F2: variants seen among roughly 807,000 people sequenced by gnomAD.
The protein encoded by F2 is prothrombin.
F2 carries 34 observed loss-of-function variants against 81.9 expected under a neutral mutation model. That is an observed-to-expected ratio of 0.42 (90% confidence interval 0.32 to 0.55). The LOEUF is 0.55. Ranked by LOEUF, F2 falls within the 20% of genes least tolerant of loss-of-function variation. F2 has a pLI of 0.18. For synonymous variants in F2, 296 were observed against 326.4 expected (o/e 0.91, Z 1.01); for missense variants, 630 against 833.4 (o/e 0.76, Z 3.00).
chr11:46,720,663 C>T, intron 3 of F2, 116 bp downstream of exon 3: 3 of 1,500,126 alleles, frequency 2.0e-6, no homozygotes, highest in Non-Finnish European at 2.8e-6. Flanking sequence ...CCCTTCCCCA[C>T]TCCTTCCTTG....
intron 6 of F2, among the ~76,000 whole-genome samples, chr11:46,724,303 C>T (rs2064857947): frequency 6.6e-6 from 1 of 152,166 alleles, no homozygotes; most frequent in Non-Finnish European, 1.5e-5. Context: ...TGGCTGCACT[C>T]GCTAATGCGT....
In F2 at chr11:46,727,318, G is replaced by C. The variant is rs574258388; in HGVS notation, c.1130+481G>C. On this transcript the variant is annotated intron_variant, in intron 9 of 13. Coordinates refer to ENST00000311907, the MANE Select transcript of F2 (RefSeq NM_000506.5). ...ATTACAGGCATGAGCCACCACACCCGGCCCATGGGTCCTTTACTTCTAAGC... is the reference window on the plus strand; with the variant it reads ...ATTACAGGCATGAGCCACCACACCCCGCCCATGGGTCCTTTACTTCTAAGC... 2.6e-5 allele frequency among the ~76,000 whole-genome samples: 4 copies of C among 151,048 alleles called. No homozygotes were observed. The Admixed American group carries it at 2.7e-4, about 10-fold the overall frequency.
intron 6 of F2, among the ~76,000 whole-genome samples, chr11:46,724,451 A>T (rs2064858739): frequency 6.6e-6 from 1 of 152,184 alleles, no homozygotes; most frequent in Non-Finnish European, 1.5e-5. Context: ...TGAGGCTGAA[A>T]GAAGGTACCT....
intron 4 of F2, among the ~76,000 whole-genome samples, chr11:46,722,731 G>A (rs1321791192): frequency 6.6e-6 from 1 of 152,248 alleles, no homozygotes; most frequent in African/African-American, 2.4e-5. Flanking sequence ...AGTTCTGCCT[G>A]GCCTGGTGGG....
chr11:46,736,094 T>TCCC (rs1477562303), intron 12 of F2, among the ~76,000 whole-genome samples: 1 of 151,874 alleles, frequency 6.6e-6, no homozygotes, highest in Non-Finnish European at 1.5e-5. Flanking sequence ...TCCCAGCTAC[T>TCCC]TGGGAGGCTG....
intron 3 of F2, 54 bp from the exon 4 acceptor site, chr11:46,720,736 A>G: frequency 6.2e-7 from 1 of 1,601,340 alleles, no homozygotes; most frequent in East Asian, 2.2e-5. Context: ...CCCTGACTCC[A>G]GCTCATCCTG....
intron 11 of F2, 64 bp from the exon 12 acceptor site, chr11:46,729,316 G>C: frequency 6.4e-7 from 1 of 1,553,724 alleles, no homozygotes; most frequent in Non-Finnish European, 8.8e-7. Flanking sequence ...CTAAGAAATG[G>C]CGTTGGGGCC....
intron 12 of F2, among the ~76,000 whole-genome samples, chr11:46,732,776 G>A (rs2064921317): frequency 6.6e-6 from 1 of 152,130 alleles, no homozygotes; most frequent in Admixed American, 6.6e-5. Flanking sequence ...CCTTCAAGCT[G>A]GCTTCTGTGA....
chr11:46,719,986 G>A lies in F2; in HGVS notation c.240+124G>A. On this transcript the variant is annotated intron_variant, in intron 2 of 13. Coordinates refer to ENST00000311907, the MANE Select transcript of F2 (RefSeq NM_000506.5). The surrounding 1 kb of genome is among the most constrained non-coding windows in gnomAD (Gnocchi z 4.7). ...CTGCTCACAGCCTCATTTCAACTCT[G>A]AGCCCCTCCTCACAGGGCTGGCAAG... is the stretch of plus-strand genomic sequence containing the variant. 7.4e-7 allele frequency: 1 copy of A among 1,345,558 alleles called. No individual in the cohort carries two copies. 83.4% of individuals were successfully genotyped at this position (1,345,558 alleles called of 1,614,324 possible). A position where few individuals can be genotyped will look rare whatever the true frequency, so the allele number is the denominator to read the frequency against.
chr11:46,720,394 A>G, intron 2 of F2, 129 bp from the exon 3 acceptor site: 2 of 1,077,014 alleles, frequency 1.9e-6, no homozygotes, highest in Non-Finnish European at 2.8e-6. Flanking sequence ...AAACTCTGCC[A>G]CAAACCTCCC....
Position 46,719,461 on chromosome 11 carries a change from C to A in F2, c.79+147C>A. The A allele has an allele frequency of 1.9e-6, 2 of 1,039,888 alleles. No homozygotes were observed. Among genetic ancestry groups the A allele is most frequent in the Non-Finnish European group, 2.9e-6 (2 of 693,054 alleles). The allele number at this position is 1,039,888 out of a possible 1,614,324, so 64.4% of individuals were successfully genotyped here. ...GCCAGCTTAGGGAAGAAGTCAGGAG[C>A]TCAGGGCTGGAAAGAGAATGGCTGC... On this transcript the variant is annotated intron_variant, in intron 1 of 13. Transcript: ENST00000311907. The surrounding 1 kb of genome is among the most constrained non-coding windows in gnomAD (Gnocchi z 4.7).
Position 46,739,246 on chromosome 11 carries a change from CCT to C in F2, c.1726-17_1726-16del, listed in dbSNP as rs2064962714. The C allele has an allele frequency of 6.2e-7, 1 of 1,613,722 alleles. No individual in the cohort carries two copies. Among genetic ancestry groups the C allele is most frequent in the Admixed American group, 1.7e-5 (1 of 60,002 alleles). Reference sequence around the variant, plus strand: ...ACCTTGAACTTGACTCTATTGGAAACCTCATCTTTCTTCTTCAGAGCCCCTTT... The same window carrying C: ...ACCTTGAACTTGACTCTATTGGAAACCATCTTTCTTCTTCAGAGCCCCTTT... On this transcript the variant is annotated splice_polypyrimidine_tract_variant and intron_variant, in intron 13 of 13. Coordinates refer to ENST00000311907, the MANE Select transcript of F2 (RefSeq NM_000506.5).
chr11:46,730,826 A>G (rs1334596445), intron 12 of F2, among the ~76,000 whole-genome samples: 3 of 148,716 alleles, frequency 2.0e-5, no homozygotes, highest in Admixed American at 6.7e-5. Flanking sequence ...AATCATGAAT[A>G]TGGTTTCTTT....
At chr11:46,720,168 T>A in intron 2 of F2, 1 of 546,784 alleles carries the variant, frequency 1.8e-6, no homozygotes, top group Non-Finnish European at 3.3e-6. Context: ...CACACCACCC[T>A]TGAGGGGTGG....
chr11:46,737,316 A>G (rs3136503), intron 12 of F2, among the ~76,000 whole-genome samples: 2,913 of 149,596 alleles, frequency 0.019, 96 homozygotes, highest in African/African-American at 0.068. Context: ...TAATTTTTTT[A>G]TATTTTTAGT....
At chr11:46,720,587 G>A in intron 3 of F2, 40 bp downstream of exon 3, 3 of 1,613,006 alleles carry the variant, frequency 1.9e-6, no homozygotes, top group South Asian at 2.2e-5. Context: ...AGGGAGGCCT[G>A]GGGACCCCAG....
At chr11:46,720,984 C>T in intron 4 of F2, 144 bp downstream of exon 4, 2 of 774,568 alleles carry the variant, frequency 2.6e-6, no homozygotes, top group Non-Finnish European at 4.4e-6. Context: ...GTCAAGATGT[C>T]TCTTTGTACC....
Position 46,726,739 on chromosome 11 carries a change from G to C in F2, c.1032G>C (p.Lys344Asn). ...ADCGLRPLFE[K>N]KSLEDKTERE... ...GTGGGCTGCGACCTCTGTTCGAGAA[G>C]AAGTCGCTGGAGGACAAAACCGAAA... Residue 344 changes from lysine (K) to asparagine (N), a missense_variant, in exon 9 of 14, where the codon AAG (lysine) becomes AAC (asparagine). By Grantham distance (94) the Lys-to-Asn change is moderately conservative (BLOSUM62 0). Coordinates refer to ENST00000311907, the MANE Select transcript of F2 (RefSeq NM_000506.5). This position sits in a 1 kb window ranked among gnomAD's most constrained non-coding sequence, Gnocchi z 5.9. The C allele has an allele frequency of 6.2e-7, 1 of 1,614,252 alleles. No homozygotes were observed. Among genetic ancestry groups the C allele is most frequent in the Non-Finnish European group, 8.5e-7 (1 of 1,180,044 alleles).
intron 12 of F2, among the ~76,000 whole-genome samples, chr11:46,737,964 G>A (rs186345600): frequency 4.6e-5 from 7 of 151,440 alleles, no homozygotes; most frequent in South Asian, 4.2e-4. Flanking sequence ...AGCCTCCCAC[G>A]TAGCTAGGAT....
Sources: allele counts gnomAD v4.1 joint callset (sites outside exome capture counted in the v4.1 genomes callset), GRCh38; gene constraint gnomAD v4.1.1; non-coding constraint Gnocchi (gnomAD v3.1); transcripts MANE v1.5; gene names NCBI Gene and HGNC (gene_info 2026-07-23, HGNC 2026-07-21).